UBE3A: variants seen among roughly 807,000 people sequenced by gnomAD.
The protein encoded by UBE3A is ubiquitin-protein ligase E3A.
A neutral mutation model predicts 83.4 loss-of-function variants in UBE3A; 6 were observed. That is an observed-to-expected ratio of 0.07 (90% CI 0.04 to 0.14). The LOEUF is 0.14. UBE3A is among the 10% of genes least tolerant of loss of function. The pLI is 1.00. For synonymous variants in UBE3A, 337 were observed against 355.4 expected, an observed-to-expected ratio of 0.95 and a Z score of 0.58; for missense variants, 456 against 1,036.1, an observed-to-expected ratio of 0.44 and a Z score of 7.69.
intron 11 of UBE3A, among the ~76,000 whole-genome samples, chr15:25,350,367 C>T (rs1296174271): frequency 2.0e-5 from 3 of 150,768 alleles, no homozygotes; most frequent in Admixed American, 6.6e-5. Context: ...CACACACATA[C>T]ATCAAAAACC....
chr15:25,362,469 A>C (rs923410779), intron 6 of UBE3A, among the ~76,000 whole-genome samples: 2 of 152,122 alleles, frequency 1.3e-5, no homozygotes, highest in African/African-American at 4.8e-5. Flanking sequence ...CAGTTTCCTC[A>C]ACATACTGTA....
At chr15:25,433,539 C>T (rs879565887) in intron 1 of UBE3A, among the ~76,000 whole-genome samples, 5 of 152,126 alleles carry the variant, frequency 3.3e-5, no homozygotes, top group Admixed American at 6.5e-5. Context: ...GAAAAGCATA[C>T]TCTTTTAAAA....
chr15:25,435,476 C>T (rs754919182), intron 1 of UBE3A, among the ~76,000 whole-genome samples: 3 of 152,094 alleles, frequency 2.0e-5, no homozygotes, highest in Non-Finnish European at 4.4e-5. Flanking sequence ...GCCTAACCTC[C>T]AAGGTGATAG....
At chr15:25,418,920 G>C (rs1888327014) in intron 1 of UBE3A, 1 of 152,096 alleles carries the variant, frequency 6.6e-6, no homozygotes. Context: ...AAAATCCAAG[G>C]ATGCTTCGAA....
At chr15:25,389,133 T>C (rs995382524) in intron 4 of UBE3A, among the ~76,000 whole-genome samples, 14 of 151,814 alleles carry the variant, frequency 9.2e-5, no homozygotes, top group East Asian at 1.9e-4. Flanking sequence ...CGAAACAGAA[T>C]AGAGAGCCCA....
At position 25,435,195 on chromosome 15, in the gene UBE3A, C is replaced by T. The variant is rs1894687191; in HGVS notation, c.-165+3294G>A. On this transcript the variant is annotated intron_variant, in intron 1 of 12. Coordinates refer to ENST00000648336, the MANE Select transcript of UBE3A (RefSeq NM_130839.5). ...TAGAACTGCTCTTAGATTGGAAGGG[C>T]ATGGGAAAATGAAGTTCCATTATGT... Among the ~76,000 whole-genome samples the T allele has an allele frequency of 2.1e-5, 3 of 143,608 alleles. No homozygotes were observed. The South Asian group carries it at 6.7e-4, about 32-fold the overall frequency. The allele number at this position is 143,608 out of a possible 152,430, so 94.2% of individuals were successfully genotyped here.
At chr15:25,372,807 C>T (rs1457505198) in intron 5 of UBE3A, among the ~76,000 whole-genome samples, 2 of 152,126 alleles carry the variant, frequency 1.3e-5, no homozygotes, top group Non-Finnish European at 2.9e-5. Context: ...ATTTTAGAGG[C>T]ACACAGACAA....
chr15:25,350,468 G>A lies in UBE3A; in HGVS notation c.2354+3885C>T, dbSNP rs149294808. On this transcript the variant is annotated intron_variant, in intron 11 of 12. Transcript: ENST00000648336. ...GAAACCAAAAAAAAGCAAAACTAAG[G>A]ATAAGACATACTGCTATATTTTAAG... 2.6e-3 allele frequency among the ~76,000 whole-genome samples: 388 copies of A among 151,970 alleles called. 1 individual carries two copies. Among genetic ancestry groups the A allele is most frequent in the African/African-American group, 9.1e-3 (378 of 41,430 alleles).
Position 25,333,995 on chromosome 15 carries a change from A to G in UBE3A, c.*5142T>C, listed in dbSNP as rs918139654. 3 of 152,046 alleles carry G rather than the reference A, an allele frequency of 2.0e-5. No individual in the cohort carries two copies. The highest frequency in any genetic ancestry group is 4.4e-5 in the Non-Finnish European group (3 of 68,010). The allele number at this position is 152,046 out of a possible 1,614,324, so 9.4% of individuals were successfully genotyped here. On this transcript the variant is annotated 3_prime_UTR_variant, in exon 13 of 13. Coordinates refer to ENST00000648336, the MANE Select transcript of UBE3A (RefSeq NM_130839.5). The stretch of plus-strand genomic sequence containing the variant: ...CCACAGCTAGCTAACATCATACTCA[A>G]TGGTGAAAGACTGAATGCTTTCCCC...
chr15:25,356,179 A>G, intron 8 of UBE3A, 123 bp from the exon 9 acceptor site: 2 of 1,217,870 alleles, frequency 1.6e-6, no homozygotes, highest in Non-Finnish European at 2.4e-6. Context: ...AAGTGTAGAC[A>G]GTATCCCTCC....
At chr15:25,428,405 C>G (rs1156993648) in intron 1 of UBE3A, among the ~76,000 whole-genome samples, 4 of 152,004 alleles carry the variant, frequency 2.6e-5, no homozygotes, top group African/African-American at 7.2e-5. Flanking sequence ...AAAGCACAAT[C>G]ATAAAGAAAA....
At chr15:25,417,900 A>C (rs2153124113) in intron 1 of UBE3A, 1 of 151,768 alleles carries the variant, frequency 6.6e-6, no homozygotes, top group Non-Finnish European at 1.5e-5. Flanking sequence ...AAAACCATAA[A>C]TGTACAGATT....
At chr15:25,360,222 C>T (rs1275075811) in intron 7 of UBE3A, among the ~76,000 whole-genome samples, 161 bp downstream of exon 7, 1 of 152,138 alleles carries the variant, frequency 6.6e-6, no homozygotes. Flanking sequence ...AAATCAGTTC[C>T]TAAAACCTAC....
intron 4 of UBE3A, among the ~76,000 whole-genome samples, chr15:25,379,094 G>A (rs555047909): frequency 5.3e-5 from 8 of 152,096 alleles, no homozygotes; most frequent in Non-Finnish European, 8.8e-5. Context: ...AAGTTTCCTC[G>A]TAATTTAAAT....
intron 5 of UBE3A, chr15:25,374,654 G>A (rs1346321911): frequency 6.6e-6 from 1 of 152,168 alleles, no homozygotes; most frequent in African/African-American, 2.4e-5. Context: ...AATGATGTTA[G>A]TGAAAGTTTT....
intron 5 of UBE3A, chr15:25,374,845 G>A (rs1214510483): frequency 2.0e-5 from 3 of 152,736 alleles, no homozygotes; most frequent in African/African-American, 7.2e-5. Context: ...AAATAACTTG[G>A]AGTTTTAGTA....
At chr15:25,373,208 A>T (rs529886294) in intron 5 of UBE3A, among the ~76,000 whole-genome samples, 7 of 152,340 alleles carry the variant, frequency 4.6e-5, no homozygotes, top group African/African-American at 1.7e-4. Flanking sequence ...ATACCTTCTT[A>T]CAAGACAATG....
chr15:25,343,668 G>A (rs566683004), intron 11 of UBE3A, among the ~76,000 whole-genome samples: 100 of 152,066 alleles, frequency 6.6e-4, no homozygotes, highest in Admixed American at 2.2e-3. Context: ...CCTTTCATTT[G>A]GCAAAAAAAT....
intron 11 of UBE3A, among the ~76,000 whole-genome samples, chr15:25,347,939 T>C (rs1450025858): frequency 6.6e-6 from 1 of 152,036 alleles, no homozygotes; most frequent in African/African-American, 2.4e-5. Flanking sequence ...CAGTTTTTAT[T>C]AAAATGACAA....
Sources: gnomAD v4.1 joint callset for allele counts (sites outside exome capture counted in the v4.1 genomes callset) on GRCh38, gnomAD v4.1.1 for gene constraint, MANE v1.5 for transcripts, NCBI Gene and HGNC (gene_info 2026-07-23, HGNC 2026-07-21) for gene names.